The following SFXN1 variants were observed in gnomAD, a reference collection of about 807,000 sequenced individuals.
SFXN1 encodes the protein sideroflexin-1.
SFXN1 carries 32 observed loss-of-function variants against 39.5 expected under a neutral mutation model. That is an observed-to-expected ratio of 0.81 (90% confidence interval 0.61 to 1.09). The LOEUF (loss-of-function observed/expected upper bound fraction) is 1.09. Ranked by LOEUF, SFXN1 falls within the 50% of genes least tolerant of loss-of-function variation. SFXN1 has a pLI of 0.00. For missense variants in SFXN1, 402 were observed against 407.1 expected, an observed-to-expected ratio of 0.99 and a Z score of 0.11; for synonymous variants, 136 against 146.5, an observed-to-expected ratio of 0.93 and a Z score of 0.52.
intron 10 of SFXN1, chr5:175,523,965 A>G (rs1294216505): frequency 1.3e-5 from 2 of 151,302 alleles, no homozygotes; most frequent in Non-Finnish European, 2.9e-5. Flanking sequence ...TTTTACTTAT[A>G]CTAATAATAT....
chr5:175,494,804 A>G (rs867295627), intron 2 of SFXN1, among the ~76,000 whole-genome samples: 8 of 152,148 alleles, frequency 5.3e-5, no homozygotes, highest in Non-Finnish European at 1.0e-4. Context: ...TCAAACATAA[A>G]CTCTTCATAA....
At chr5:175,526,096 A>C (rs992186547) in intron 10 of SFXN1, 3 of 151,594 alleles carry the variant, frequency 2.0e-5, no homozygotes, top group Admixed American at 2.0e-4. Flanking sequence ...AACAGTGGTT[A>C]TCTCTCAGCG....
intron 2 of SFXN1, among the ~76,000 whole-genome samples, chr5:175,508,433 C>T (rs891724397): frequency 6.6e-6 from 1 of 151,706 alleles, no homozygotes; most frequent in Admixed American, 6.6e-5. Flanking sequence ...CAGAGTCTCA[C>T]CATGTTGCTA....
chr5:175,500,365 A>C (rs975850727), intron 2 of SFXN1, among the ~76,000 whole-genome samples: 12 of 151,326 alleles, frequency 7.9e-5, no homozygotes, highest in African/African-American at 2.7e-4. Flanking sequence ...AAGTACTTAG[A>C]GATCACTTTA....
intron 5 of SFXN1, among the ~76,000 whole-genome samples, chr5:175,511,740 CTG>C (rs3834721): frequency 0.37 from 56,132 of 152,018 alleles, 11,704 homozygotes; most frequent in Non-Finnish European, 0.48. Context: ...GTGCCTGACT[CTG>C]TGTACGAAGT....
At chr5:175,493,650 A>G (rs1353034439) in intron 2 of SFXN1, among the ~76,000 whole-genome samples, 5 of 152,248 alleles carry the variant, frequency 3.3e-5, no homozygotes, top group Non-Finnish European at 5.9e-5. Context: ...TGAAAAGAAG[A>G]TGGCATAAGG....
chr5:175,513,072 G>A (rs961982749), intron 6 of SFXN1, among the ~76,000 whole-genome samples: 5 of 152,036 alleles, frequency 3.3e-5, no homozygotes, highest in African/African-American at 4.8e-5. Flanking sequence ...AGGCCGAGGC[G>A]AGTGGATCAC....
chr5:175,499,065 G>C (rs1004124090), intron 2 of SFXN1, among the ~76,000 whole-genome samples: 1 of 152,080 alleles, frequency 6.6e-6, no homozygotes, highest in African/African-American at 2.4e-5. Context: ...GACCATCCTG[G>C]CCAACATGGT....
chr5:175,504,459 C>CCG (rs1208423828), intron 2 of SFXN1, among the ~76,000 whole-genome samples: 1 of 151,524 alleles, frequency 6.6e-6, no homozygotes, highest in Non-Finnish European at 1.5e-5. Flanking sequence ...CCTGTAGTCG[C>CCG]AGGTACTCCA....
chr5:175,479,424 G>A (rs1377772903), intron 1 of SFXN1, among the ~76,000 whole-genome samples: 2 of 152,080 alleles, frequency 1.3e-5, no homozygotes, highest in African/African-American at 2.4e-5. Context: ...ATAGTCCAAG[G>A]CCATCTGAGT....
chr5:175,512,563 C>CT lies in SFXN1; in HGVS notation c.596+375dup, dbSNP rs201234578. Among the ~76,000 whole-genome samples the CT allele has an allele frequency of 3.8e-3, 578 of 152,006 alleles. 3 individuals are homozygous for CT. The highest frequency in any genetic ancestry group is 4.9e-3 in the Non-Finnish European group (334 of 67,966). On this transcript the variant is annotated intron_variant, in intron 6 of 10. Transcript: ENST00000321442. The stretch of plus-strand genomic sequence containing the variant: ...AAAGTTTATTCTCTAAAATAGATTC[C>CT]TTTTTTTTCTCCAGAATTTTCTTTT...
intron 2 of SFXN1, among the ~76,000 whole-genome samples, chr5:175,504,531 C>A: frequency 6.8e-6 from 1 of 147,676 alleles, no homozygotes; most frequent in African/African-American, 2.5e-5. Context: ...GCCAACATTG[C>A]ATAACTGCAC....
At chr5:175,488,065 G>A (rs1026918007) in intron 1 of SFXN1, among the ~76,000 whole-genome samples, 4 of 152,134 alleles carry the variant, frequency 2.6e-5, no homozygotes, top group African/African-American at 9.7e-5. Context: ...CCACACAGCA[G>A]CCAGAGAGAT....
chr5:175,502,303 A>G (rs1225697407), intron 2 of SFXN1, among the ~76,000 whole-genome samples: 2 of 152,168 alleles, frequency 1.3e-5, no homozygotes. Flanking sequence ...TAGTCCTGTA[A>G]AGACAGACTG....
chr5:175,514,714 A>T (rs1234732028), intron 7 of SFXN1, among the ~76,000 whole-genome samples: 4 of 152,212 alleles, frequency 2.6e-5, no homozygotes, highest in African/African-American at 9.6e-5. Context: ...AAGTGCATGA[A>T]GGAAAACTTT....
intron 2 of SFXN1, among the ~76,000 whole-genome samples, chr5:175,501,039 T>C (rs1760056655): frequency 6.6e-6 from 1 of 151,848 alleles, no homozygotes; most frequent in Non-Finnish European, 1.5e-5. Flanking sequence ...GGAGAAAATC[T>C]TTATGACTTT....
intron 2 of SFXN1, among the ~76,000 whole-genome samples, chr5:175,497,251 CAG>C (rs1299248467): frequency 2.0e-5 from 3 of 152,132 alleles, no homozygotes; most frequent in African/African-American, 7.2e-5. Flanking sequence ...AGAAATAACT[CAG>C]AGTTTCCTAC....
chr5:175,480,371 A>T (rs544476060), intron 1 of SFXN1, among the ~76,000 whole-genome samples: 6 of 152,158 alleles, frequency 3.9e-5, no homozygotes, highest in African/African-American at 1.4e-4. Flanking sequence ...ACTGCACTCC[A>T]GCCTGGGCGA....
At chr5:175,518,146 G>A (rs191683124) in intron 8 of SFXN1, among the ~76,000 whole-genome samples, 5 of 152,238 alleles carry the variant, frequency 3.3e-5, no homozygotes, top group African/African-American at 1.2e-4. Flanking sequence ...AAAATCTGGT[G>A]CTTCTGTGAA....
Sources: gnomAD v4.1 joint callset for allele counts (sites outside exome capture counted in the v4.1 genomes callset) on GRCh38, gnomAD v4.1.1 for gene constraint, MANE v1.5 for transcripts, NCBI Gene and HGNC (gene_info 2026-07-23, HGNC 2026-07-21) for gene names.